MMD2: variants seen among roughly 807,000 people sequenced by gnomAD.
MMD2 encodes the protein monocyte to macrophage differentiation associated 2, also known as monocyte to macrophage differentiation factor 2.
In MMD2, 30 loss-of-function variants were observed where a neutral mutation model predicts 33.5. The ratio of observed to expected loss-of-function variants is 0.90; its 90% CI spans 0.67 to 1.22. The LOEUF (loss-of-function observed/expected upper bound fraction) is 1.22. MMD2 is among the 50% of genes most tolerant of loss of function. The probability of loss-of-function intolerance (pLI) is 0.00; values close to 1 mark genes in which losing one functional copy is unlikely to be tolerated. For synonymous variants in MMD2, 129 were observed against 123.0 expected, an observed-to-expected ratio of 1.05 and a Z score of -0.32; for missense variants, 364 against 325.4, an observed-to-expected ratio of 1.12 and a Z score of -0.91.
intron 1 of MMD2, among the ~76,000 whole-genome samples, chr7:4,957,172 A>AT (rs1562499426): frequency 7.7e-4 from 104 of 134,812 alleles, no homozygotes; most frequent in African/African-American, 2.6e-3. Flanking sequence ...TCAAAAAAAA[A>AT]AATATATATA....
chr7:4,955,093 T>C (rs1786347673), intron 1 of MMD2, among the ~76,000 whole-genome samples: 1 of 152,190 alleles, frequency 6.6e-6, no homozygotes, highest in Non-Finnish European at 1.5e-5. Flanking sequence ...TGGCCTCAAG[T>C]GATCCTTCCT....
At chr7:4,938,348 C>A (rs1785807047) in intron 1 of MMD2, among the ~76,000 whole-genome samples, 1 of 151,964 alleles carries the variant, frequency 6.6e-6, no homozygotes, top group Non-Finnish European at 1.5e-5. Context: ...GCTGGGAAGT[C>A]CAGGATCTAG....
intron 2 of MMD2, among the ~76,000 whole-genome samples, chr7:4,922,905 T>A (rs1313262171): frequency 6.6e-6 from 1 of 152,146 alleles, no homozygotes; most frequent in Non-Finnish European, 1.5e-5. Flanking sequence ...AGGTGCTAAC[T>A]GAGGGAGCAT....
intron 4 of MMD2, among the ~76,000 whole-genome samples, chr7:4,913,959 C>A (rs771302081): frequency 2.0e-5 from 3 of 152,016 alleles, no homozygotes; most frequent in Non-Finnish European, 4.4e-5. Flanking sequence ...CTGCGCCTGG[C>A]AGGTGGATTT....
chr7:4,933,199 A>C (rs1785640425), intron 1 of MMD2, among the ~76,000 whole-genome samples: 1 of 151,360 alleles, frequency 6.6e-6, no homozygotes, highest in Non-Finnish European at 1.5e-5. Flanking sequence ...CGGTCTCTAC[A>C]AAATATTAAA....
intron 1 of MMD2, among the ~76,000 whole-genome samples, chr7:4,942,563 G>C (rs961730432): frequency 1.3e-5 from 2 of 150,828 alleles, no homozygotes; most frequent in African/African-American, 4.9e-5. Flanking sequence ...CCATACACCC[G>C]GCCCTAGGAG....
chr7:4,949,107 C>T (rs993339148), intron 1 of MMD2, among the ~76,000 whole-genome samples: 19 of 151,826 alleles, frequency 1.3e-4, no homozygotes, highest in Non-Finnish European at 8.8e-5. Flanking sequence ...CTACTCGGGA[C>T]GCTGAGGAAG....
intron 3 of MMD2, among the ~76,000 whole-genome samples, chr7:4,918,971 T>C (rs1365299643): frequency 6.6e-6 from 1 of 151,670 alleles, no homozygotes; most frequent in East Asian, 2.0e-4. Context: ...AGGTGGTGCA[T>C]GCCTGTAGTC....
intron 1 of MMD2, among the ~76,000 whole-genome samples, chr7:4,942,946 A>T (rs1785951004): frequency 7.0e-6 from 1 of 142,412 alleles, no homozygotes; most frequent in Non-Finnish European, 1.5e-5. Context: ...TCCTAACTCC[A>T]TCCCAGCCAG....
intron 1 of MMD2, among the ~76,000 whole-genome samples, chr7:4,945,189 T>TTCC: frequency 8.2e-6 from 1 of 121,756 alleles, no homozygotes; most frequent in Non-Finnish European, 1.7e-5. Flanking sequence ...TTCCTCTTTC[T>TTCC]TCTTCTTCTT....
chr7:4,950,774 C>T (rs556835030), intron 1 of MMD2, among the ~76,000 whole-genome samples: 54 of 149,266 alleles, frequency 3.6e-4, no homozygotes, highest in African/African-American at 1.3e-3. Context: ...AGTGCAGTGG[C>T]GTGATCTCAG....
chr7:4,907,402 G>A lies in MMD2; in HGVS notation c.735C>T (p.Ser245=). ...YLPSTLQTKV[S]K is the part of the protein sequence containing the mutation. ...CTCTCAAGTCTGGGTCACCTCATTT[G>A]GACACCTTGGTCTGCAGGGTGCTGG... Residue 245 remains serine, a synonymous_variant, in exon 7 of 7, where the codon TCC becomes TCT. Coordinates refer to ENST00000401401, the MANE Select transcript of MMD2 (RefSeq NM_198403.4). 6.2e-7 allele frequency: 1 copy of A among 1,613,680 alleles called. No homozygotes were observed. The highest frequency in any genetic ancestry group is 8.5e-7 in the Non-Finnish European group (1 of 1,179,858).
chr7:4,904,477 T>C (rs181122525), downstream of MMD2, among the ~76,000 whole-genome samples: 1 of 151,956 alleles, frequency 6.6e-6, no homozygotes, highest in South Asian at 2.1e-4. Flanking sequence ...GGGGAGGAAA[T>C]GTGGCCAAAG....
intron 1 of MMD2, among the ~76,000 whole-genome samples, chr7:4,943,333 C>T (rs549401298): frequency 2.6e-5 from 4 of 152,016 alleles, no homozygotes; most frequent in Non-Finnish European, 5.9e-5. Context: ...TTAGTAAACA[C>T]GGGCTTTCAC....
intron 1 of MMD2, among the ~76,000 whole-genome samples, chr7:4,951,307 C>T (rs530243279): frequency 2.6e-5 from 4 of 152,070 alleles, no homozygotes; most frequent in Admixed American, 2.6e-4. Flanking sequence ...GTTTAAAAGC[C>T]CTTAATGGTG....
intron 1 of MMD2, among the ~76,000 whole-genome samples, chr7:4,935,669 C>A (rs1436142675): frequency 7.9e-6 from 1 of 127,214 alleles, no homozygotes; most frequent in East Asian, 2.3e-4. Context: ...CAGAGCAAGA[C>A]CCTGTCTCAA....
chr7:4,902,990 C>T (rs1031272671), downstream of MMD2, among the ~76,000 whole-genome samples: 3 of 152,202 alleles, frequency 2.0e-5, no homozygotes, highest in African/African-American at 7.2e-5. Flanking sequence ...ATAATCCCAG[C>T]ACTTTGTGCG....
At chr7:4,958,821 G>T in intron 1 of MMD2, 150 bp downstream of exon 1, 1 of 635,912 alleles carries the variant, frequency 1.6e-6, no homozygotes, top group Non-Finnish European at 2.3e-6. Context: ...AGGCTGCCTG[G>T]GTCCTGGTTT....
chr7:4,937,215 G>A (rs1785765688), intron 1 of MMD2, among the ~76,000 whole-genome samples: 1 of 151,296 alleles, frequency 6.6e-6, no homozygotes, highest in African/African-American at 2.4e-5. Context: ...TGGCCAACAT[G>A]GCGAAACCCC....
Sources: allele counts gnomAD v4.1 joint callset (sites outside exome capture counted in the v4.1 genomes callset), GRCh38; gene constraint gnomAD v4.1.1; transcripts MANE v1.5; gene names NCBI Gene and HGNC (gene_info 2026-07-23, HGNC 2026-07-21).